POLR3G: variants seen among roughly 807,000 people sequenced by gnomAD.
POLR3G encodes DNA-directed RNA polymerase III subunit RPC7.
A neutral mutation model predicts 30.1 loss-of-function variants in POLR3G; 28 were observed. The ratio of observed to expected loss-of-function variants is 0.93; its 90% CI spans 0.69 to 1.27. The LOEUF (loss-of-function observed/expected upper bound fraction) is 1.27, where lower values mean the gene tolerates loss of function less well. POLR3G is among the 50% of genes most tolerant of loss of function. The pLI is 0.00. For synonymous variants in POLR3G, 79 were observed against 82.5 expected (o/e 0.96, Z 0.23); for missense variants, 254 against 264.6 (o/e 0.96, Z 0.28).
intron 4 of POLR3G, 146 bp downstream of exon 4, chr5:90,495,879 A>G: frequency 9.0e-7 from 1 of 1,117,046 alleles, no homozygotes; most frequent in Non-Finnish European, 1.2e-6. Flanking sequence ...ATCTGTTAGA[A>G]ACTAAGGTGA....
In POLR3G at chr5:90,512,744, C is replaced by T. The variant is rs561583428; in HGVS notation, c.*605C>T. 1 of 152,576 alleles carries T rather than the reference C, an allele frequency of 6.6e-6. No individual in the cohort carries two copies. Among genetic ancestry groups the T allele is most frequent in the South Asian group, 2.1e-4 (1 of 4,822 alleles). 9.5% of individuals were successfully genotyped at this position (152,576 alleles called of 1,614,324 possible). On this transcript the variant is annotated 3_prime_UTR_variant, in exon 8 of 8. Transcript: ENST00000651687. ...TGAGCAATATAAATTTCACAGCTCA[C>T]ATCTTAGCCAGTACAAAGAAACTTT...
At chr5:90,476,524 G>C (rs916454103) in intron 1 of POLR3G, among the ~76,000 whole-genome samples, 1 of 152,222 alleles carries the variant, frequency 6.6e-6, no homozygotes, top group African/African-American at 2.4e-5. Flanking sequence ...TCTCAGCAGA[G>C]TAATATAGGG....
intron 5 of POLR3G, among the ~76,000 whole-genome samples, chr5:90,500,347 T>C (rs754778010): frequency 6.6e-6 from 1 of 152,088 alleles, no homozygotes; most frequent in Non-Finnish European, 1.5e-5. Context: ...ATGCAGATAC[T>C]TGGCCAAAGA....
intron 3 of POLR3G, among the ~76,000 whole-genome samples, chr5:90,490,183 T>C (rs1751647151): frequency 6.6e-6 from 1 of 152,056 alleles, no homozygotes; most frequent in Admixed American, 6.6e-5. Flanking sequence ...CATAATTTTG[T>C]TGTTGGTCTA....
At chr5:90,475,560 T>C (rs1047305047) in intron 1 of POLR3G, among the ~76,000 whole-genome samples, 1 of 151,916 alleles carries the variant, frequency 6.6e-6, no homozygotes, top group Non-Finnish European at 1.5e-5. Context: ...GTAGAAAGGC[T>C]CAAATAAAGA....
At chr5:90,504,762 AT>A (rs921351743) in intron 6 of POLR3G, among the ~76,000 whole-genome samples, 9 of 152,182 alleles carry the variant, frequency 5.9e-5, no homozygotes, top group African/African-American at 1.7e-4. Flanking sequence ...TAGTAAAAAA[AT>A]ATAATATTAA....
At chr5:90,506,008 G>A (rs1249671370) in intron 6 of POLR3G, among the ~76,000 whole-genome samples, 2 of 152,066 alleles carry the variant, frequency 1.3e-5, no homozygotes, top group Non-Finnish European at 2.9e-5. Context: ...GCTAAGGTGG[G>A]CAGATCTCTT....
intron 7 of POLR3G, among the ~76,000 whole-genome samples, 178 bp from the exon 8 acceptor site, chr5:90,511,875 G>C (rs1752752554): frequency 6.6e-6 from 1 of 152,192 alleles, no homozygotes; most frequent in South Asian, 2.1e-4. Flanking sequence ...CTCTTAGCTA[G>C]TTAGTGCCTG....
intron 6 of POLR3G, among the ~76,000 whole-genome samples, chr5:90,502,816 T>TTTTTTTTTTTTTTTTTA (rs1752314838): frequency 6.6e-6 from 1 of 151,808 alleles, no homozygotes. Context: ...TTTTTTTTTT[T>TTTTTTTTTTTTTTTTTA]TGGCTGCACT....
intron 7 of POLR3G, among the ~76,000 whole-genome samples, chr5:90,510,360 A>G (rs2151916377): frequency 1.3e-5 from 2 of 152,180 alleles, no homozygotes; most frequent in South Asian, 4.2e-4. Flanking sequence ...CCTGGGTGAC[A>G]AGAGTGAGAC....
At chr5:90,474,503 T>G, upstream of POLR3G, 1 of 551,410 alleles carries the variant, frequency 1.8e-6, no homozygotes, top group Non-Finnish European at 3.2e-6. Flanking sequence ...CCCGCACCCT[T>G]CCGCCAGGTC....
At chr5:90,510,072 G>A (rs1039830238) in intron 7 of POLR3G, among the ~76,000 whole-genome samples, 1 of 152,094 alleles carries the variant, frequency 6.6e-6, no homozygotes, top group Non-Finnish European at 1.5e-5. Flanking sequence ...GGGGTAGTAG[G>A]GTGGTGGTGC....
intron 4 of POLR3G, among the ~76,000 whole-genome samples, chr5:90,496,126 C>G (rs1751977361): frequency 1.3e-5 from 2 of 151,988 alleles, no homozygotes. Context: ...CCCCCGCCAC[C>G]ATGCCCAGCT....
At chr5:90,497,801 T>C in intron 5 of POLR3G, 95 bp downstream of exon 5, 2 of 1,377,776 alleles carry the variant, frequency 1.5e-6, no homozygotes, top group African/African-American at 1.5e-5. Flanking sequence ...ATACTCACTG[T>C]TCTTAATGCT....
Position 90,490,274 on chromosome 5 carries a change from GTT to G in POLR3G, c.247+2160_247+2161del, listed in dbSNP as rs67906055. 2.7e-3 allele frequency among the ~76,000 whole-genome samples: 360 copies of G among 131,528 alleles called. 2 individuals carry two copies. Among genetic ancestry groups the G allele is most frequent in the African/African-American group, 9.0e-3 (323 of 35,740 alleles). 86.3% of individuals were successfully genotyped at this position (131,528 alleles called of 152,430 possible). A position where few individuals can be genotyped will look rare whatever the true frequency, so the allele number is the denominator to read the frequency against. The stretch of plus-strand genomic sequence containing the variant: ...CAATAAAGTATTTCAAAATATAAGG[GTT>G]TTTTTTTTTTTTTTGCTTTTATTTC... On this transcript the variant is annotated intron_variant, in intron 3 of 7. Coordinates refer to ENST00000651687, the MANE Select transcript of POLR3G (RefSeq NM_006467.3).
chr5:90,491,976 GCT>G (rs1196338407), intron 3 of POLR3G, among the ~76,000 whole-genome samples: 1 of 152,014 alleles, frequency 6.6e-6, no homozygotes, highest in Non-Finnish European at 1.5e-5. Context: ...GTTTGTAGTT[GCT>G]CTGTTTTAAT....
chr5:90,496,172 C>T (rs1308888842), intron 4 of POLR3G, among the ~76,000 whole-genome samples: 2 of 151,864 alleles, frequency 1.3e-5, no homozygotes, highest in Non-Finnish European at 2.9e-5. Context: ...GGAGTTTCAC[C>T]GTGTTCGCCA....
At chr5:90,504,470 G>C (rs1226521074) in intron 6 of POLR3G, among the ~76,000 whole-genome samples, 1 of 151,840 alleles carries the variant, frequency 6.6e-6, no homozygotes, top group African/African-American at 2.4e-5. Context: ...GCTGAGGCAG[G>C]AGAATGATGT....
intron 3 of POLR3G, 126 bp downstream of exon 3, chr5:90,488,255 A>C: frequency 1.3e-6 from 1 of 785,488 alleles, no homozygotes; most frequent in East Asian, 3.3e-5. Context: ...ACTACTTTGA[A>C]AAAGCTATTT....
Sources: gnomAD v4.1 joint callset for allele counts (sites outside exome capture counted in the v4.1 genomes callset) on GRCh38, gnomAD v4.1.1 for gene constraint, MANE v1.5 for transcripts, NCBI Gene and HGNC (gene_info 2026-07-23, HGNC 2026-07-21) for gene names.